CCSER2: variants seen among roughly 807,000 people sequenced by gnomAD.
The protein encoded by CCSER2 is coiled-coil serine rich protein 2.
A neutral mutation model predicts 92.3 loss-of-function variants in CCSER2; 46 were observed. The observed-to-expected ratio is 0.50, with a 90% confidence interval of 0.39 to 0.64. The LOEUF (loss-of-function observed/expected upper bound fraction) is 0.64. Ranked by LOEUF, CCSER2 falls within the 30% of genes least tolerant of loss-of-function variation. CCSER2 has a pLI of 0.00. For synonymous variants in CCSER2, 433 were observed against 431.4 expected (o/e 1.00, Z -0.04); for missense variants, 1,244 against 1,238.9 (o/e 1.00, Z -0.06).
At chr10:84,485,766 T>A (rs1172187535) in intron 9 of CCSER2, among the ~76,000 whole-genome samples, 3 of 152,220 alleles carry the variant, frequency 2.0e-5, no homozygotes, top group Non-Finnish European at 2.9e-5. Flanking sequence ...TATTATTATT[T>A]AAGTTCTAGG....
intron 1 of CCSER2, among the ~76,000 whole-genome samples, chr10:84,360,905 A>G (rs1307606560): frequency 2.0e-5 from 3 of 152,048 alleles, no homozygotes; most frequent in African/African-American, 7.2e-5. Context: ...TCTTGACCTT[A>G]CTCTCACATA....
Position 84,385,671 on chromosome 10 carries a change from C to T in CCSER2, c.1614+11856C>T, listed in dbSNP as rs142288755. ...ATCCGTGAAGAAAACCTAGGAAAAA[C>T]TCTTCTGGACATTGGCTTAGGCAAA... On this transcript the variant is annotated intron_variant, in intron 3 of 9. Coordinates refer to ENST00000372088, the MANE Select transcript of CCSER2 (RefSeq NM_001284240.2). Among the ~76,000 whole-genome samples the T allele has an allele frequency of 8.5e-5, 13 of 152,258 alleles. No homozygotes were observed. In the East Asian group the frequency reaches 2.1e-3, roughly 25 times the overall value.
intron 5 of CCSER2, among the ~76,000 whole-genome samples, chr10:84,436,353 A>AAAAAAAAAAG (rs59522717): frequency 1.0e-5 from 1 of 96,654 alleles, no homozygotes; most frequent in Non-Finnish European, 2.1e-5. Context: ...AAAAAAAAAA[A>AAAAAAAAAAG]TGCCGGGCGC....
intron 3 of CCSER2, among the ~76,000 whole-genome samples, chr10:84,408,491 G>A (rs1012498074): frequency 6.8e-6 from 1 of 148,084 alleles, no homozygotes; most frequent in Admixed American, 6.8e-5. Context: ...TTTCCTTTTC[G>A]ACTGGGCTTT....
At chr10:84,504,964 C>T (rs903924986) in intron 9 of CCSER2, among the ~76,000 whole-genome samples, 4 of 152,020 alleles carry the variant, frequency 2.6e-5, no homozygotes, top group African/African-American at 9.7e-5. Flanking sequence ...ATGACTCTTC[C>T]TTCAAAATGT....
At chr10:84,463,412 A>G (rs1846216622) in intron 6 of CCSER2, among the ~76,000 whole-genome samples, 1 of 152,070 alleles carries the variant, frequency 6.6e-6, no homozygotes, top group Non-Finnish European at 1.5e-5. Flanking sequence ...TTCTAACACC[A>G]TAGATTAGTT....
chr10:84,483,998 A>ATATATATATTT (rs1564711769), intron 9 of CCSER2, among the ~76,000 whole-genome samples: 1 of 55,284 alleles, frequency 1.8e-5, no homozygotes, highest in South Asian at 5.2e-4. Flanking sequence ...TATATATATA[A>ATATATATATTT]TTTTTTTTTT....
At chr10:84,421,773 T>C (rs1288248296) in intron 4 of CCSER2, among the ~76,000 whole-genome samples, 3 of 152,112 alleles carry the variant, frequency 2.0e-5, no homozygotes, top group Non-Finnish European at 4.4e-5. Flanking sequence ...TTAATCAAAA[T>C]GGTACATGAC....
chr10:84,414,610 C>G (rs935180344), intron 3 of CCSER2, among the ~76,000 whole-genome samples: 8 of 151,222 alleles, frequency 5.3e-5, no homozygotes, highest in Admixed American at 4.0e-4. Flanking sequence ...CCTTGAGAAT[C>G]TGATGTTTAT....
At chr10:84,499,871 A>G (rs774608849) in intron 9 of CCSER2, 6 of 1,613,846 alleles carry the variant, frequency 3.7e-6, no homozygotes, top group South Asian at 1.1e-5. Flanking sequence ...CTCTCTCTGC[A>G]CAGGGTGGGT....
At chr10:84,460,317 T>A (rs1194728603) in intron 6 of CCSER2, among the ~76,000 whole-genome samples, 1 of 149,760 alleles carries the variant, frequency 6.7e-6, no homozygotes, top group Non-Finnish European at 1.5e-5. Context: ...TTGGCCAGGC[T>A]CATCTCAAAC....
At chr10:84,496,321 T>C (rs1309475724) in intron 9 of CCSER2, among the ~76,000 whole-genome samples, 4 of 152,220 alleles carry the variant, frequency 2.6e-5, no homozygotes, top group Non-Finnish European at 5.9e-5. Context: ...AGTCTCGCTC[T>C]GTCGCCCAGG....
intron 1 of CCSER2, among the ~76,000 whole-genome samples, chr10:84,350,270 A>G (rs934774972): frequency 6.6e-6 from 1 of 152,248 alleles, no homozygotes; most frequent in Non-Finnish European, 1.5e-5. Context: ...TTAGTCCACA[A>G]CTTTAAAATA....
At chr10:84,419,447 C>T (rs1843034522) in intron 4 of CCSER2, among the ~76,000 whole-genome samples, 1 of 152,116 alleles carries the variant, frequency 6.6e-6, no homozygotes, top group African/African-American at 2.4e-5. Context: ...TATTTCTAAG[C>T]ACATTCTTTT....
intron 2 of CCSER2, 145 bp from the exon 3 acceptor site, chr10:84,373,473 CT>C (rs1846173989): frequency 3.4e-6 from 2 of 580,064 alleles, no homozygotes; most frequent in Admixed American, 6.2e-5. Flanking sequence ...GTTTTTATTG[CT>C]TAGGATATAG....
chr10:84,387,561 C>T (rs191743649), intron 3 of CCSER2, among the ~76,000 whole-genome samples: 2 of 151,686 alleles, frequency 1.3e-5, no homozygotes, highest in African/African-American at 4.8e-5. Flanking sequence ...CAGAGTCTGG[C>T]TCTGTGGCCC....
chr10:84,374,909 C>T (rs1010426462), intron 3 of CCSER2, among the ~76,000 whole-genome samples: 2 of 152,216 alleles, frequency 1.3e-5, no homozygotes, highest in South Asian at 2.1e-4. Flanking sequence ...CCATTGTTAA[C>T]GGAGGCTTAA....
At chr10:84,425,090 G>A (rs1397001324) in intron 4 of CCSER2, 29 of 968,658 alleles carry the variant, frequency 3.0e-5, no homozygotes, top group East Asian at 1.1e-4. Flanking sequence ...GATTCTTTTC[G>A]TGTTTTTGTG....
At chr10:84,368,935 T>C (rs1324037483) in intron 1 of CCSER2, among the ~76,000 whole-genome samples, 3 of 152,298 alleles carry the variant, frequency 2.0e-5, no homozygotes, top group South Asian at 4.1e-4. Context: ...TAAGAACATG[T>C]GGTATTTGGT....
Sources: gnomAD v4.1 joint callset for allele counts (sites outside exome capture counted in the v4.1 genomes callset) on GRCh38, gnomAD v4.1.1 for gene constraint, MANE v1.5 for transcripts, NCBI Gene and HGNC (gene_info 2026-07-23, HGNC 2026-07-21) for gene names.